The following SYNE1 variants were observed in gnomAD, a reference collection of about 807,000 sequenced individuals.
The protein encoded by SYNE1 is nesprin-1.
A neutral mutation model predicts 1,111.0 loss-of-function variants in SYNE1; 616 were observed. That is an observed-to-expected ratio of 0.55 (90% confidence interval 0.52 to 0.59). The LOEUF is 0.59. SYNE1 is among the 20% of genes least tolerant of loss of function. The pLI is 0.00. For missense variants in SYNE1, 10,006 were observed against 10,417.0 expected, an observed-to-expected ratio of 0.96 and a Z score of 1.72; for synonymous variants, 3,855 against 3,825.8, an observed-to-expected ratio of 1.01 and a Z score of -0.28.
chr6:152,373,026 G>T lies in SYNE1; in HGVS notation c.9507+11C>A. 2.5e-6 allele frequency: 4 copies of T among 1,613,086 alleles called. No individual in the cohort carries two copies. The highest frequency in any genetic ancestry group is 3.4e-6 in the Non-Finnish European group (4 of 1,179,148). Reference sequence around the variant, plus strand: ...AACACAGAATGCTTCCATGTGGTTGGCTATATATACCTCTAGAGCAGATTC... The same window carrying T: ...AACACAGAATGCTTCCATGTGGTTGTCTATATATACCTCTAGAGCAGATTC... On this transcript the variant is annotated intron_variant, in intron 59 of 145. Coordinates refer to ENST00000367255, the MANE Select transcript of SYNE1 (RefSeq NM_182961.4).
chr6:152,633,320 A>C (rs1265184245), intron 2 of SYNE1, among the ~76,000 whole-genome samples: 3 of 152,192 alleles, frequency 2.0e-5, no homozygotes, highest in African/African-American at 7.2e-5. Flanking sequence ...TACATTCAGA[A>C]AGGTAAGATT....
At position 152,390,380 on chromosome 6, in the gene SYNE1, T is replaced by G; in HGVS notation, c.8077A>C (p.Arg2693=). Residue 2693 remains arginine, a synonymous_variant, in exon 53 of 146, where the codon AGA becomes CGA. Transcript: ENST00000367255. ...MAIGKGEQAL[R]SSNKEGQRVI... ...CTCTGACCTTCTTTGTTGCTACTTC[T>G]CAAGGCCTGTTCCCCCTTGCCAATG... 1 of 1,614,126 alleles carries G rather than the reference T, an allele frequency of 6.2e-7. No individual in the cohort carries two copies. Among genetic ancestry groups the G allele is most frequent in the Middle Eastern group, 1.7e-4 (1 of 6,058 alleles).
chr6:152,276,598 T>A (rs1052319575), intron 98 of SYNE1, among the ~76,000 whole-genome samples: 10 of 90,032 alleles, frequency 1.1e-4, no homozygotes, highest in South Asian at 3.5e-4. Context: ...GAAGTTTCCG[T>A]TAACAATATT....
In SYNE1 at chr6:152,133,408, A is replaced by C; in HGVS notation, c.25869T>G (p.Ala8623=). The change falls in exon 143 of 146, where the codon GCT becomes GCG. Residue 8623 remains alanine (A), a synonymous_variant. Coordinates refer to ENST00000367255, the MANE Select transcript of SYNE1 (RefSeq NM_182961.4). ...QDMSCQLLVN[A]EGTDCLEAKE... ...TGGCTTCTAAACAGTCTGTTCCTTC[A>C]GCATTCACCAGTAGTTGGCAAGACA... 6.2e-7 allele frequency: 1 copy of C among 1,614,212 alleles called. No individual in the cohort carries two copies.
At chr6:152,491,552 A>G (rs2098970621) in intron 11 of SYNE1, among the ~76,000 whole-genome samples, 1 of 152,268 alleles carries the variant, frequency 6.6e-6, no homozygotes, top group Non-Finnish European at 1.5e-5. Context: ...TTCTTCTGCA[A>G]CACTGCTTGG....
At chr6:152,395,774 T>C in intron 50 of SYNE1, 103 bp from the exon 51 acceptor site, 1 of 1,208,694 alleles carries the variant, frequency 8.3e-7, no homozygotes. Flanking sequence ...AATTAAGACC[T>C]CATGAATGTT....
At chr6:152,310,628 T>C in intron 88 of SYNE1, 60 bp downstream of exon 88, 1 of 1,609,558 alleles carries the variant, frequency 6.2e-7, no homozygotes, top group Non-Finnish European at 8.5e-7. Flanking sequence ...CATAGTGGCA[T>C]TGCCATTTTC....
intron 143 of SYNE1, 144 bp from the exon 144 acceptor site, chr6:152,132,358 A>G (rs2055976743): frequency 1.3e-6 from 1 of 763,706 alleles, no homozygotes; most frequent in South Asian, 1.5e-5. Flanking sequence ...GGAAAATGGA[A>G]CCAGACAGGT....
rs1311851521 is a variant in SYNE1, at chr6:152,350,164, G to T, written c.11901+4C>A. ...AAAGGCAGCCCTTTAAAGGTCAGGGGTACCTTGTGGTGGGCCAATTGCTGG... is the reference window on the plus strand; with the variant it reads ...AAAGGCAGCCCTTTAAAGGTCAGGGTTACCTTGTGGTGGGCCAATTGCTGG... On this transcript the variant is annotated splice_donor_region_variant and intron_variant, in intron 72 of 145. Transcript: ENST00000367255. 7.4e-6 allele frequency: 12 copies of T among 1,612,778 alleles called. No homozygotes were observed. The highest frequency in any genetic ancestry group is 1.0e-5 in the Non-Finnish European group (12 of 1,180,032).
intron 51 of SYNE1, among the ~76,000 whole-genome samples, chr6:152,395,089 CT>C (rs201231665): frequency 6.7e-6 from 1 of 148,464 alleles, no homozygotes; most frequent in Non-Finnish European, 1.5e-5. Flanking sequence ...GGCAAGCACT[CT>C]TTTTTTCTTT....
chr6:152,151,565 T>C lies in SYNE1; in HGVS notation c.24438A>G (p.Ile8146Met), dbSNP rs1242803492. 6.2e-7 allele frequency: 1 copy of C among 1,614,114 alleles called. No homozygotes were observed. The highest frequency in any genetic ancestry group is 1.1e-5 in the South Asian group (1 of 91,024). Residue 8146 changes from isoleucine (I) to methionine (M), a missense_variant, in exon 135 of 146, where the codon ATA becomes ATG. Ile to Met is a conservative substitution (Grantham distance 10). Transcript: ENST00000367255. ...HFSECDVQAK[I>M]KQLKAFQQEI... ...AATAATCTATTACCTTGAGTTGCTTTATTTTAGCTTGAACATCACACTCAG... is the reference window on the plus strand; with the variant it reads ...AATAATCTATTACCTTGAGTTGCTTCATTTTAGCTTGAACATCACACTCAG...
At chr6:152,462,366 T>C (rs946569777) in intron 20 of SYNE1, among the ~76,000 whole-genome samples, 6 of 152,206 alleles carry the variant, frequency 3.9e-5, no homozygotes, top group Non-Finnish European at 7.3e-5. Context: ...ACTACTTCAT[T>C]TGTGAGAGCT....
chr6:152,485,898 A>T (rs1031762712), intron 12 of SYNE1, among the ~76,000 whole-genome samples: 7 of 152,202 alleles, frequency 4.6e-5, no homozygotes, highest in African/African-American at 1.7e-4. Flanking sequence ...ATGGAATTTT[A>T]AAAATACCAA....
In SYNE1 at chr6:152,430,608, T is replaced by C. The variant is rs1207153007; in HGVS notation, c.4563A>G (p.Arg1521=). 6.2e-7 allele frequency: 1 copy of C among 1,614,164 alleles called. No individual in the cohort carries two copies. The highest frequency in any genetic ancestry group is 1.7e-5 in the Admixed American group (1 of 60,014). Residue 1521 remains arginine, a synonymous_variant, in exon 35 of 146, where the codon CGA becomes CGG. Coordinates refer to ENST00000367255, the MANE Select transcript of SYNE1 (RefSeq NM_182961.4). The part of the protein sequence containing the change: ...AQFVTTGESA[R]IKAKLTQIRR... Reference sequence around the variant, plus strand: ...TTATTTGTGTCAACTTGGCTTTAATTCGAGCAGATTCTCCAGTGGTAACAA... The same window carrying C: ...TTATTTGTGTCAACTTGGCTTTAATCCGAGCAGATTCTCCAGTGGTAACAA...
At chr6:152,147,899 ATTCATATCTAAGTG>A in intron 137 of SYNE1, 132 bp downstream of exon 137, 1 of 758,986 alleles carries the variant, frequency 1.3e-6, no homozygotes, top group East Asian at 2.7e-5. Flanking sequence ...TTATAATCAC[ATTCATATCTAAGTG>A]TTCACTTAGG....
At chr6:152,276,138 A>G (rs895874303) in intron 98 of SYNE1, among the ~76,000 whole-genome samples, 4 of 148,052 alleles carry the variant, frequency 2.7e-5, no homozygotes, top group Non-Finnish European at 5.9e-5. Context: ...AGGTTCAAGC[A>G]GTTCTCATGC....
intron 137 of SYNE1, chr6:152,145,727 A>G (rs1336831555): frequency 9.1e-6 from 6 of 660,496 alleles, no homozygotes; most frequent in African/African-American, 3.6e-5. Context: ...GAAATGAATC[A>G]TAAGAATTCA....
chr6:152,606,156 G>A (rs1481879876), intron 3 of SYNE1, among the ~76,000 whole-genome samples: 5 of 152,074 alleles, frequency 3.3e-5, no homozygotes, highest in Admixed American at 3.3e-4. Context: ...CTGTAGTGTG[G>A]CAAGAAGGGG....
Position 152,323,629 on chromosome 6 carries a change from TGTC to T in SYNE1, c.15763_15765del (p.Asp5255del). 1 of 1,614,200 alleles carries T rather than the reference TGTC, an allele frequency of 6.2e-7. No individual in the cohort carries two copies. The highest frequency in any genetic ancestry group is 8.5e-7 in the Non-Finnish European group (1 of 1,180,038). The stretch of plus-strand genomic sequence containing the variant: ...TGCTGCTCCAGCTCCAGAACGAACG[TGTC>T]GTGGTATTCAAGAAGAGTTAAGAGC... On this transcript the variant is annotated inframe_deletion, in exon 82 of 146. Coordinates refer to ENST00000367255, the MANE Select transcript of SYNE1 (RefSeq NM_182961.4).
Sources: allele counts gnomAD v4.1 joint callset (sites outside exome capture counted in the v4.1 genomes callset), GRCh38; gene constraint gnomAD v4.1.1; transcripts MANE v1.5; gene names NCBI Gene and HGNC (gene_info 2026-07-23, HGNC 2026-07-21).